DKK3: variants seen among roughly 807,000 people sequenced by gnomAD.
The protein encoded by DKK3 is dickkopf Wnt signaling pathway inhibitor 3.
DKK3 carries 22 observed loss-of-function variants against 33.2 expected under a neutral mutation model. That is an observed-to-expected ratio of 0.66 (90% confidence interval 0.47 to 0.95). The LOEUF (loss-of-function observed/expected upper bound fraction) is 0.95. DKK3 is among the 40% of genes least tolerant of loss of function. The pLI is 0.00. For missense variants in DKK3, 398 were observed against 458.4 expected (o/e 0.87, Z 1.20); for synonymous variants, 194 against 188.8 (o/e 1.03, Z -0.23).
At chr11:11,971,702 C>A (rs1167759481) in intron 3 of DKK3, among the ~76,000 whole-genome samples, 1 of 152,180 alleles carries the variant, frequency 6.6e-6, no homozygotes, top group Non-Finnish European at 1.5e-5. Flanking sequence ...TCCTATAAGA[C>A]CCTGCTGTTT....
intron 3 of DKK3, among the ~76,000 whole-genome samples, chr11:11,971,565 A>G (rs2135005440): frequency 6.6e-6 from 1 of 152,322 alleles, no homozygotes; most frequent in East Asian, 1.9e-4. Context: ...AGAGCAAAAA[A>G]CATACATTCC....
chr11:12,008,800 A>G, upstream of DKK3: 1 of 1,181,162 alleles, frequency 8.5e-7, no homozygotes, highest in Non-Finnish European at 1.0e-6. This position sits in a 1 kb window ranked among gnomAD's most constrained non-coding sequence, Gnocchi z 4.6. Context: ...CACCCGCTCC[A>G]GCCCGAGCCC....
chr11:11,990,971 G>A (rs887381953), intron 3 of DKK3, among the ~76,000 whole-genome samples: 4 of 152,220 alleles, frequency 2.6e-5, no homozygotes, highest in Admixed American at 6.5e-5. Context: ...GAAGACATGA[G>A]ACTTCTGGGT....
chr11:11,979,379 A>G (rs1353697940), intron 3 of DKK3, among the ~76,000 whole-genome samples: 1 of 152,252 alleles, frequency 6.6e-6, no homozygotes, highest in African/African-American at 2.4e-5. Flanking sequence ...AGCCCAGGTC[A>G]GTGTGAAGTC....
At chr11:11,991,839 A>G (rs1284744741) in intron 3 of DKK3, among the ~76,000 whole-genome samples, 1 of 152,228 alleles carries the variant, frequency 6.6e-6, no homozygotes, top group African/African-American at 2.4e-5. Flanking sequence ...TTATAAAATG[A>G]GCAGAAACAG....
At position 11,963,388 on chromosome 11, in the gene DKK3, T is replaced by C. The variant is rs1269132714; in HGVS notation, c.*1076A>G. ...ATTGTCTTCAGTTGCTGCTAAGTGATTTTGCAAATTTCATTTATAATCCTC... is the reference window on the plus strand; with the variant it reads ...ATTGTCTTCAGTTGCTGCTAAGTGACTTTGCAAATTTCATTTATAATCCTC... On this transcript the variant is annotated 3_prime_UTR_variant, in exon 7 of 7. Transcript: ENST00000683431. The C allele has an allele frequency of 6.6e-6, 1 of 152,276 alleles. No individual in the cohort carries two copies. The highest frequency in any genetic ancestry group is 6.5e-5 in the Admixed American group (1 of 15,282). 9.4% of individuals were successfully genotyped at this position (152,276 alleles called of 1,614,324 possible).
intron 3 of DKK3, among the ~76,000 whole-genome samples, chr11:11,969,219 G>A (rs1310032746): frequency 2.0e-5 from 3 of 152,192 alleles, no homozygotes; most frequent in South Asian, 2.1e-4. Flanking sequence ...TGCCATGGTC[G>A]CCGGTCACTG....
At chr11:11,966,540 G>A (rs551383400) in intron 5 of DKK3, among the ~76,000 whole-genome samples, 78 of 152,176 alleles carry the variant, frequency 5.1e-4, no homozygotes, top group Middle Eastern at 3.4e-3. Context: ...CTGGGGAGGC[G>A]GCAAATGAGA....
intron 3 of DKK3, among the ~76,000 whole-genome samples, chr11:11,986,469 C>G (rs1324846770): frequency 6.6e-6 from 1 of 152,126 alleles, no homozygotes; most frequent in Admixed American, 6.5e-5. Context: ...ATATCTTCTC[C>G]CCTGAGCCCA....
intron 2 of DKK3, chr11:12,001,551 A>T (rs1220249547): frequency 6.6e-6 from 1 of 152,244 alleles, no homozygotes; most frequent in African/African-American, 2.4e-5. Flanking sequence ...GATGCTCACA[A>T]CGACCCTGAA....
intron 3 of DKK3, among the ~76,000 whole-genome samples, chr11:11,988,543 G>A (rs1006852928): frequency 2.6e-5 from 4 of 152,192 alleles, no homozygotes; most frequent in African/African-American, 9.7e-5. Flanking sequence ...TACCACAGGT[G>A]GGAATTGATA....
chr11:11,964,713 C>T (rs565471244), intron 6 of DKK3, 27 bp from the exon 7 acceptor site: 2 of 1,603,550 alleles, frequency 1.2e-6, no homozygotes, highest in South Asian at 1.1e-5. Flanking sequence ...CAAAGCCAGG[C>T]TCTAAACGTG....
intron 3 of DKK3, among the ~76,000 whole-genome samples, chr11:11,997,651 A>G (rs1590547808): frequency 6.6e-6 from 1 of 152,088 alleles, no homozygotes; most frequent in African/African-American, 2.4e-5. Flanking sequence ...TTCACTGCAC[A>G]GTTCCTCCCC....
intron 3 of DKK3, among the ~76,000 whole-genome samples, chr11:11,988,224 C>A (rs947378690): frequency 6.6e-6 from 1 of 152,184 alleles, no homozygotes; most frequent in African/African-American, 2.4e-5. Flanking sequence ...TGACAGTAGA[C>A]AGAGCAATGA....
At chr11:12,002,174 T>A in intron 2 of DKK3, 126 bp downstream of exon 2, 1 of 1,068,000 alleles carries the variant, frequency 9.4e-7, no homozygotes. Flanking sequence ...TTTCAATCCG[T>A]ATTTTATGAT....
At chr11:11,999,176 T>G (rs767470056) in intron 2 of DKK3, among the ~76,000 whole-genome samples, 1 of 152,190 alleles carries the variant, frequency 6.6e-6, no homozygotes, top group Non-Finnish European at 1.5e-5. Flanking sequence ...GTTGAACATC[T>G]TTCATGAAAA....
intron 3 of DKK3, among the ~76,000 whole-genome samples, chr11:11,970,313 G>C (rs1004230526): frequency 2.0e-5 from 3 of 152,198 alleles, no homozygotes; most frequent in African/African-American, 7.2e-5. Flanking sequence ...TGGCAAAGGA[G>C]ACAAAGGGTA....
chr11:11,998,738 T>A lies in DKK3; in HGVS notation c.393A>T (p.Thr131=). 6.2e-7 allele frequency: 1 copy of A among 1,614,248 alleles called. No individual in the cohort carries two copies. The highest frequency in any genetic ancestry group is 8.5e-7 in the Non-Finnish European group (1 of 1,180,038). The part of the protein sequence containing the change: ...NQTGQMVFSE[T]VITSVGDEEG... ...CTTCGTCTCCCACAGATGTGATAAC[T>A]GTCTCTGAAAAGACCATTTGTCCAG... The change falls in exon 3 of 7, where the codon ACA becomes ACT. Residue 131 remains threonine (T), a synonymous_variant. Transcript: ENST00000683431.
At chr11:11,972,471 G>C (rs1022368814) in intron 3 of DKK3, among the ~76,000 whole-genome samples, 1 of 152,204 alleles carries the variant, frequency 6.6e-6, no homozygotes, top group Non-Finnish European at 1.5e-5. Context: ...GTCCACCCCA[G>C]GCAAGTCCTG....
Sources: allele counts gnomAD v4.1 joint callset (sites outside exome capture counted in the v4.1 genomes callset), GRCh38; gene constraint gnomAD v4.1.1; non-coding constraint Gnocchi (gnomAD v3.1); transcripts MANE v1.5; gene names NCBI Gene and HGNC (gene_info 2026-07-23, HGNC 2026-07-21).